Variants in AKAP13 observed in about 807,000 individuals in gnomAD.
AKAP13 encodes A-kinase anchoring protein 13, also known as A-kinase anchor protein 13.
In AKAP13, 80 loss-of-function variants were observed where a neutral mutation model predicts 264.5. The ratio of observed to expected loss-of-function variants is 0.30; its 90% CI spans 0.25 to 0.36. The LOEUF is 0.36. Among genes scored for constraint, AKAP13 ranks in the 10% least tolerant of loss-of-function variants. The pLI, the probability that AKAP13 is intolerant of heterozygous loss-of-function variation, is 1.00. For missense variants in AKAP13, 3,712 were observed against 3,435.2 expected, an observed-to-expected ratio of 1.08 and a Z score of -2.01; for synonymous variants, 1,380 against 1,250.2, an observed-to-expected ratio of 1.10 and a Z score of -2.19.
In AKAP13 at chr15:85,682,228, TA is replaced by T; in HGVS notation, c.5156+17del. On this transcript the variant is annotated intron_variant, in intron 15 of 36. Transcript: ENST00000394518. ...TGACTGAGAGGTACTATAAATTTGT[TA>T]CTCCTTTTTCCAGAAATAAAATGAA... The T allele has an allele frequency of 7.5e-6, 12 of 1,610,558 alleles. No homozygotes were observed. Among genetic ancestry groups the T allele is most frequent in the African/African-American group, 1.3e-5 (1 of 74,982 alleles).
chr15:85,695,860 C>T (rs1273880533), intron 17 of AKAP13, among the ~76,000 whole-genome samples: 1 of 152,166 alleles, frequency 6.6e-6, no homozygotes, highest in East Asian at 1.9e-4. Context: ...TATTTTGGAA[C>T]CCAGGTTCTA....
At chr15:85,664,481 A>AT in intron 12 of AKAP13, 82 bp from the exon 13 acceptor site, 2 of 1,371,018 alleles carry the variant, frequency 1.5e-6, no homozygotes, top group Non-Finnish European at 2.0e-6. Flanking sequence ...AACAAGGGAG[A>AT]TATACCCAAA....
At chr15:85,597,573 GT>G (rs2079874051) in intron 8 of AKAP13, among the ~76,000 whole-genome samples, 1 of 152,150 alleles carries the variant, frequency 6.6e-6, no homozygotes, top group Non-Finnish European at 1.5e-5. Flanking sequence ...TGATCCCTTT[GT>G]TGTGGTTGAT....
chr15:85,648,132 T>G (rs199879163), intron 10 of AKAP13, among the ~76,000 whole-genome samples: 1 of 152,216 alleles, frequency 6.6e-6, no homozygotes, highest in African/African-American at 2.4e-5. Context: ...TCTGAAGATA[T>G]GTGTCGCTAA....
chr15:85,484,390 T>C (rs4480750), intron 1 of AKAP13, among the ~76,000 whole-genome samples: 77,282 of 152,010 alleles, frequency 0.51, 20,194 homozygotes, highest in Middle Eastern at 0.61. Context: ...TAAGTGAAGA[T>C]AGTCAGGAAG....
intron 6 of AKAP13, 53 bp from the exon 7 acceptor site, chr15:85,578,877 T>C: frequency 6.4e-7 from 1 of 1,557,928 alleles, no homozygotes; most frequent in Non-Finnish European, 8.7e-7. Context: ...GAGGTGTCAG[T>C]GACATCTTCT....
Position 85,579,308 on chromosome 15 carries a change from G to A in AKAP13, c.1240G>A (p.Gly414Ser). 6.2e-7 allele frequency: 1 copy of A among 1,614,220 alleles called. No homozygotes were observed. Among genetic ancestry groups the A allele is most frequent in the Non-Finnish European group, 8.5e-7 (1 of 1,180,032 alleles). The change falls in exon 7 of 37, where the codon GGC (glycine) becomes AGC (serine). Residue 414 changes from glycine (G) to serine (S), a missense_variant. Physicochemically the swap from Gly to Ser is moderately conservative, Grantham distance 56 (BLOSUM62 0). Coordinates refer to ENST00000394518, the MANE Select transcript of AKAP13 (RefSeq NM_007200.5). ...LPDCGVKGTEGLSSCGNRNEE... is the reference protein window; with the variant it reads ...LPDCGVKGTESLSSCGNRNEE... ...TGATTGTGGAGTAAAGGGCACGGAA[G>A]GCCTTTCGTCCTGTGGAAACAGAAA...
chr15:85,608,313 T>A (rs1275583648), intron 8 of AKAP13, among the ~76,000 whole-genome samples: 6 of 152,236 alleles, frequency 3.9e-5, no homozygotes, highest in African/African-American at 1.4e-4. Flanking sequence ...TTTTCTCTCC[T>A]TGTTTAATAA....
At chr15:85,449,570 G>A (rs1187881232) in intron 1 of AKAP13, among the ~76,000 whole-genome samples, 1 of 152,104 alleles carries the variant, frequency 6.6e-6, no homozygotes, top group Non-Finnish European at 1.5e-5. Context: ...GTCATAGGTG[G>A]CTCTTACTAT....
intron 33 of AKAP13, among the ~76,000 whole-genome samples, chr15:85,736,842 G>C (rs1191955613): frequency 6.6e-6 from 1 of 151,868 alleles, no homozygotes; most frequent in Non-Finnish European, 1.5e-5. Context: ...TCTGGAACAT[G>C]GGCATTTAAC....
chr15:85,635,128 G>A (rs930356058), intron 8 of AKAP13: 1 of 398,016 alleles, frequency 2.5e-6, no homozygotes, highest in African/African-American at 2.1e-5. Flanking sequence ...TTGACATTAT[G>A]AAAAACTGCT....
intron 9 of AKAP13, among the ~76,000 whole-genome samples, chr15:85,640,021 G>A (rs1053433283): frequency 3.9e-5 from 6 of 152,146 alleles, no homozygotes; most frequent in Non-Finnish European, 5.9e-5. Context: ...TTGAGGGTAC[G>A]ATGCTCTTAA....
At chr15:85,517,961 G>T (rs1004590417) in intron 2 of AKAP13, among the ~76,000 whole-genome samples, 5 of 152,214 alleles carry the variant, frequency 3.3e-5, no homozygotes, top group African/African-American at 1.2e-4. Context: ...ATGTAGGTGT[G>T]TACTCTTCCT....
chr15:85,578,674 A>C (rs945368064), intron 6 of AKAP13, among the ~76,000 whole-genome samples: 1 of 152,230 alleles, frequency 6.6e-6, no homozygotes, highest in Non-Finnish European at 1.5e-5. Context: ...TCCTAAAATA[A>C]GTTCAAAATT....
intron 8 of AKAP13, among the ~76,000 whole-genome samples, chr15:85,630,442 A>G (rs2081715453): frequency 6.6e-6 from 1 of 152,196 alleles, no homozygotes; most frequent in South Asian, 2.1e-4. Flanking sequence ...AAGTGAACAC[A>G]CATTTCATTG....
intron 9 of AKAP13, among the ~76,000 whole-genome samples, chr15:85,641,747 A>G (rs1013390881): frequency 6.6e-6 from 1 of 151,782 alleles, no homozygotes; most frequent in African/African-American, 2.4e-5. Flanking sequence ...CATCCTTCCA[A>G]AGTGCTTACA....
In AKAP13 at chr15:85,589,113, C is replaced by T. The variant is rs185430720; in HGVS notation, c.4161+3290C>T. On this transcript the variant is annotated intron_variant, in intron 8 of 36. Coordinates refer to ENST00000394518, the MANE Select transcript of AKAP13 (RefSeq NM_007200.5). ...CTCCGTGGTGCTCTGACAAACTTGC[C>T]TTATTTGCTGTGAGTTGAAAGGATA... 4.0e-4 allele frequency among the ~76,000 whole-genome samples: 61 copies of T among 152,220 alleles called. No individual in the cohort carries two copies. The Middle Eastern group carries it at 0.01, about 25-fold the overall frequency.
rs1219845765 is a variant in AKAP13 at position 85,743,640 on chromosome 15, G to A, written c.8207G>A (p.Arg2736Gln). 43 of 1,613,946 alleles carry A rather than the reference G, an allele frequency of 2.7e-5. No individual in the cohort carries two copies. The highest frequency in any genetic ancestry group is 4.5e-5 in the East Asian group (2 of 44,892). Residue 2736 changes from arginine (R) to glutamine (Q), a missense_variant, in exon 36 of 37, where the codon CGG becomes CAG. By Grantham distance (43) the Arg-to-Gln change is conservative. Transcript: ENST00000394518. The part of the protein sequence containing the change: ...SVSPKRNSIS[R>Q]THKDKGPFHI... ...TCCCCAAAAAGGAACAGCATCTCTC[G>A]GACACACAAAGATAAGGGGCCTTTT... is the stretch of plus-strand genomic sequence containing the variant.
At chr15:85,484,406 A>G (rs1326404453) in intron 1 of AKAP13, among the ~76,000 whole-genome samples, 1 of 152,234 alleles carries the variant, frequency 6.6e-6, no homozygotes, top group Admixed American at 6.5e-5. Context: ...GGAAGGAAAG[A>G]GTGCCCTGAG....
Sources: gnomAD v4.1 joint callset for allele counts (sites outside exome capture counted in the v4.1 genomes callset) on GRCh38, gnomAD v4.1.1 for gene constraint, MANE v1.5 for transcripts, NCBI Gene and HGNC (gene_info 2026-07-23, HGNC 2026-07-21) for gene names.